Variants in XPO1 observed in about 807,000 individuals in gnomAD.
The protein encoded by XPO1 is exportin 1, also known as exportin-1.
XPO1 carries 5 observed loss-of-function variants against 133.3 expected under a neutral mutation model. The observed-to-expected ratio is 0.04, with a 90% confidence interval of 0.02 to 0.08. The LOEUF (loss-of-function observed/expected upper bound fraction) is 0.08, where lower values mean the gene tolerates loss of function less well. Among genes scored for constraint, XPO1 ranks in the 10% least tolerant of loss-of-function variants. The probability of loss-of-function intolerance (pLI) is 1.00; values close to 1 mark genes in which losing one functional copy is unlikely to be tolerated. For synonymous variants in XPO1, 419 were observed against 408.2 expected, an observed-to-expected ratio of 1.03 and a Z score of -0.32; for missense variants, 506 against 1,267.5, an observed-to-expected ratio of 0.40 and a Z score of 9.12.
At chr2:61,523,880 A>G (rs1424408282) in intron 3 of XPO1, among the ~76,000 whole-genome samples, 1 of 152,228 alleles carries the variant, frequency 6.6e-6, no homozygotes, top group Non-Finnish European at 1.5e-5. Flanking sequence ...AAAGTACTAC[A>G]TTTGCAGAAC....
intron 18 of XPO1, 86 bp from the exon 19 acceptor site, chr2:61,488,357 T>C: frequency 1.5e-6 from 2 of 1,372,296 alleles, no homozygotes; most frequent in East Asian, 4.6e-5. Flanking sequence ...AATTCCATTT[T>C]ACCATTAAAA....
chr2:61,500,740 A>G (rs907601930), intron 6 of XPO1, among the ~76,000 whole-genome samples: 2 of 152,144 alleles, frequency 1.3e-5, no homozygotes, highest in Non-Finnish European at 2.9e-5. Flanking sequence ...TGGAGGTTTC[A>G]GTGAACTAAG....
At chr2:61,524,349 CTTT>C (rs927463198) in intron 3 of XPO1, among the ~76,000 whole-genome samples, 7 of 152,230 alleles carry the variant, frequency 4.6e-5, no homozygotes, top group Admixed American at 3.9e-4. Flanking sequence ...ACTGTCCTTT[CTTT>C]TTTATTTACT....
chr2:61,514,860 A>C (rs1190657874), intron 4 of XPO1, among the ~76,000 whole-genome samples: 1 of 152,008 alleles, frequency 6.6e-6, no homozygotes. Flanking sequence ...AGATCACCTG[A>C]GGTCGGGAGT....
intron 4 of XPO1, among the ~76,000 whole-genome samples, chr2:61,520,248 T>C (rs911447074): frequency 6.6e-6 from 1 of 152,216 alleles, no homozygotes; most frequent in Non-Finnish European, 1.5e-5. Context: ...TAATTTCCAA[T>C]ACCAAAGTTA....
At chr2:61,495,972 A>T (rs1270896365) in intron 10 of XPO1, among the ~76,000 whole-genome samples, 1 of 152,208 alleles carries the variant, frequency 6.6e-6, no homozygotes, top group Middle Eastern at 3.4e-3. Flanking sequence ...CTCAGCCAAC[A>T]CTATTATTTT....
At chr2:61,483,777 G>A in intron 21 of XPO1, 160 bp downstream of exon 21, 1 of 748,548 alleles carries the variant, frequency 1.3e-6, no homozygotes, top group Non-Finnish European at 2.1e-6. Flanking sequence ...GGAGTGGAGT[G>A]GAACAGTTGA....
At chr2:61,487,126 C>G (rs1573113975) in intron 19 of XPO1, among the ~76,000 whole-genome samples, 3 of 151,898 alleles carry the variant, frequency 2.0e-5, no homozygotes, top group Admixed American at 6.6e-5. Context: ...GTGATCCACC[C>G]GCCTCGGCCT....
At chr2:61,483,311 A>C (rs1696495262) in intron 21 of XPO1, 1 of 476,848 alleles carries the variant, frequency 2.1e-6, no homozygotes, top group African/African-American at 2.0e-5. Flanking sequence ...GTGAGAGCTA[A>C]ACTGTGAAGA....
chr2:61,508,349 T>C (rs1697926887), intron 4 of XPO1, among the ~76,000 whole-genome samples: 1 of 152,254 alleles, frequency 6.6e-6, no homozygotes, highest in Non-Finnish European at 1.5e-5. Context: ...AGGCAGCTTA[T>C]GACATGTAAA....
intron 19 of XPO1, among the ~76,000 whole-genome samples, 153 bp from the exon 20 acceptor site, chr2:61,486,115 A>C (rs930831304): frequency 1.3e-5 from 2 of 152,220 alleles, no homozygotes; most frequent in African/African-American, 4.8e-5. Context: ...ACGTCAAAAC[A>C]GTTTTTAGCA....
chr2:61,513,927 G>A (rs982326601), intron 4 of XPO1, among the ~76,000 whole-genome samples: 17 of 152,140 alleles, frequency 1.1e-4, no homozygotes, highest in African/African-American at 3.9e-4. Context: ...TTACACGCCT[G>A]TAATCCTAGC....
chr2:61,488,065 A>G, intron 19 of XPO1, 100 bp downstream of exon 19: 3 of 978,812 alleles, frequency 3.1e-6, no homozygotes, highest in African/African-American at 3.3e-5. Flanking sequence ...CACAAAGTTG[A>G]TATGCTTTAA....
At chr2:61,533,941 G>C in intron 1 of XPO1, 38 bp from the exon 2 acceptor site, 1 of 1,436,190 alleles carries the variant, frequency 7.0e-7, no homozygotes, top group African/African-American at 1.4e-5. Flanking sequence ...TGCCTATCAA[G>C]TTTTGGTATT....
chr2:61,522,761 C>T (rs758949103), intron 3 of XPO1, 78 bp from the exon 4 acceptor site: 8 of 997,200 alleles, frequency 8.0e-6, no homozygotes, highest in Non-Finnish European at 1.2e-5. Flanking sequence ...AATGGACAGA[C>T]ATTCACACAT....
chr2:61,520,455 C>CA (rs1698634108), intron 4 of XPO1, among the ~76,000 whole-genome samples: 1 of 151,096 alleles, frequency 6.6e-6, no homozygotes, highest in Admixed American at 6.6e-5. Context: ...GCAGCATGGG[C>CA]AACACAGCGA....
At chr2:61,512,332 A>C (rs1371939000) in intron 4 of XPO1, among the ~76,000 whole-genome samples, 10 of 152,224 alleles carry the variant, frequency 6.6e-5, no homozygotes, top group Admixed American at 5.2e-4. Flanking sequence ...TCTAGTTCTG[A>C]AAACTTCCCA....
rs773878492 is a variant in XPO1, at chr2:61,493,951, T to A, written c.1188A>T (p.Gly396=). 1.2e-6 allele frequency: 2 copies of A among 1,614,094 alleles called. No homozygotes were observed. Among genetic ancestry groups the A allele is most frequent in the Non-Finnish European group, 1.7e-6 (2 of 1,179,992 alleles). ...TGGGAGGAACATCAAAATGTTGACT[T>A]CCAGAAAGCAACGGAGAGGCAGATG... ...FSTSASPLLS[G]SQHFDVPPRR... Residue 396 remains glycine, a synonymous_variant, in exon 12 of 25, where the codon GGA becomes GGT. Coordinates refer to ENST00000401558, the MANE Select transcript of XPO1 (RefSeq NM_003400.4).
chr2:61,498,936 A>C (rs1167845003), intron 7 of XPO1, 23 bp from the exon 8 acceptor site: 14 of 1,562,970 alleles, frequency 9.0e-6, no homozygotes, highest in Non-Finnish European at 1.2e-5. Flanking sequence ...ACACACAAAA[A>C]TATCAGATTT....
Sources: allele counts gnomAD v4.1 joint callset (sites outside exome capture counted in the v4.1 genomes callset), GRCh38; gene constraint gnomAD v4.1.1; transcripts MANE v1.5; gene names NCBI Gene and HGNC (gene_info 2026-07-23, HGNC 2026-07-21).